The following GATB variants were observed in gnomAD, a reference collection of about 807,000 sequenced individuals.
GATB encodes glutamyl-tRNA amidotransferase subunit B.
GATB carries 39 observed loss-of-function variants against 62.3 expected under a neutral mutation model. The observed-to-expected ratio is 0.63, with a 90% CI of 0.48 to 0.82. The LOEUF (loss-of-function observed/expected upper bound fraction) is 0.82. Ranked by LOEUF, GATB falls within the 40% of genes least tolerant of loss-of-function variation. The pLI is 0.00. For synonymous variants in GATB, 276 were observed against 258.9 expected, an observed-to-expected ratio of 1.07 and a Z score of -0.63; for missense variants, 670 against 684.0, an observed-to-expected ratio of 0.98 and a Z score of 0.23.
chr4:151,737,627 T>G (rs189344488), intron 2 of GATB, among the ~76,000 whole-genome samples: 64 of 152,292 alleles, frequency 4.2e-4, no homozygotes, highest in Admixed American at 7.8e-4. Flanking sequence ...TCAGAGGTCT[T>G]CACAGTAGCC....
intron 9 of GATB, among the ~76,000 whole-genome samples, chr4:151,697,981 A>G (rs182921948): frequency 0.27 from 35,401 of 132,968 alleles, 6,671 homozygotes; most frequent in Non-Finnish European, 0.34. Flanking sequence ...ATATATATAT[A>G]TATATATATA....
intron 10 of GATB, among the ~76,000 whole-genome samples, chr4:151,683,194 C>CTTTAT (rs10686526): frequency 0.6 from 90,284 of 151,586 alleles, 29,392 homozygotes; most frequent in African/African-American, 0.88. Context: ...CAGTTTCTTG[C>CTTTAT]TTTAACAATA....
chr4:151,722,093 G>A, intron 2 of GATB: 1 of 662,796 alleles, frequency 1.5e-6, no homozygotes, highest in Non-Finnish European at 2.7e-6. Flanking sequence ...TTAGAAGAAT[G>A]CCAAGAAAAA....
chr4:151,737,592 A>G (rs893009207), intron 2 of GATB, among the ~76,000 whole-genome samples: 1 of 152,212 alleles, frequency 6.6e-6, no homozygotes, highest in African/African-American at 2.4e-5. Flanking sequence ...TCCCCAAGAC[A>G]GGGGGAAAAT....
chr4:151,729,166 G>GA (rs1739194959), intron 2 of GATB, among the ~76,000 whole-genome samples: 1 of 152,112 alleles, frequency 6.6e-6, no homozygotes, highest in Non-Finnish European at 1.5e-5. Flanking sequence ...GAGAAAGAAA[G>GA]AAAAAACTGC....
intron 10 of GATB, among the ~76,000 whole-genome samples, chr4:151,681,631 T>C (rs1247880533): frequency 6.6e-6 from 1 of 152,092 alleles, no homozygotes; most frequent in Non-Finnish European, 1.5e-5. Context: ...AAAGATAAGG[T>C]CCCTAGGCCC....
At position 151,760,946 on chromosome 4, in the gene GATB, T is replaced by C. The variant is rs367564064; in HGVS notation, c.37A>G (p.Arg13Gly). ...APMLRWGCRG[R>G]RWAFARVDGG... is the part of the protein sequence containing the mutation. ...TCAACCCGGGCGAAAGCCCAACGTC[T>C]TCCACGGCAGCCCCAGCGCAGCATG... The change falls in exon 1 of 13, where the codon AGA becomes GGA. Residue 13 changes from arginine (R) to glycine (G), a missense_variant. By Grantham distance (125) the Arg-to-Gly change is moderately radical. Coordinates refer to ENST00000263985, the MANE Select transcript of GATB (RefSeq NM_004564.3). The C allele has an allele frequency of 2.2e-5, 35 of 1,613,372 alleles. No homozygotes were observed. In the African/African-American group the frequency reaches 4.4e-4, roughly 20 times the overall value.
intron 2 of GATB, among the ~76,000 whole-genome samples, chr4:151,736,265 T>C (rs1037591851): frequency 5.3e-5 from 8 of 152,174 alleles, no homozygotes; most frequent in Non-Finnish European, 1.0e-4. Context: ...ATATAAACCC[T>C]GCAAATAGAC....
At chr4:151,723,509 A>G (rs955602673) in intron 2 of GATB, 4 of 152,232 alleles carry the variant, frequency 2.6e-5, no homozygotes, top group African/African-American at 9.6e-5. Flanking sequence ...CCTACTGTAC[A>G]TCATTTAAGG....
intron 1 of GATB, 23 bp from the exon 2 acceptor site, chr4:151,758,945 T>C: frequency 6.5e-7 from 1 of 1,550,264 alleles, no homozygotes; most frequent in South Asian, 1.2e-5. Context: ...AGATAATGGT[T>C]AAGATGTATT....
intron 5 of GATB, among the ~76,000 whole-genome samples, chr4:151,708,471 G>GT (rs113178632): frequency 4.6e-5 from 7 of 152,068 alleles, no homozygotes; most frequent in Admixed American, 2.0e-4. Context: ...TTATACTGAA[G>GT]TTTTTTTTCA....
chr4:151,740,062 G>T (rs1266804723), intron 2 of GATB, among the ~76,000 whole-genome samples: 2 of 152,190 alleles, frequency 1.3e-5, no homozygotes, highest in Non-Finnish European at 2.9e-5. Context: ...TAAACATCAC[G>T]TTGCATTTTT....
At chr4:151,705,736 C>T (rs961488049) in intron 6 of GATB, among the ~76,000 whole-genome samples, 3 of 152,190 alleles carry the variant, frequency 2.0e-5, no homozygotes, top group African/African-American at 7.2e-5. Context: ...GAGGGACCCA[C>T]GACCCCAAAT....
At chr4:151,755,462 C>T (rs1199690841) in intron 2 of GATB, among the ~76,000 whole-genome samples, 1 of 152,144 alleles carries the variant, frequency 6.6e-6, no homozygotes, top group Non-Finnish European at 1.5e-5. Context: ...TAAGTCTTTG[C>T]CCACATGTTT....
rs529133385 is a variant in GATB, at chr4:151,744,719, C to G, written c.327+14053G>C. On this transcript the variant is annotated intron_variant, in intron 2 of 12. Coordinates refer to ENST00000263985, the MANE Select transcript of GATB (RefSeq NM_004564.3). ...TGTGAAGAGAGAGGCTTTCAAGAAC[C>G]CACTGAAAGTTAGAAAAAGATCTAT... Among the ~76,000 whole-genome samples the G allele has an allele frequency of 8.5e-5, 13 of 152,194 alleles. No individual in the cohort carries two copies. In the South Asian group the frequency reaches 2.7e-3, roughly 32 times the overall value.
intron 11 of GATB, among the ~76,000 whole-genome samples, chr4:151,679,344 C>T (rs543774453): frequency 6.6e-6 from 1 of 152,190 alleles, no homozygotes; most frequent in Non-Finnish European, 1.5e-5. Flanking sequence ...AACATTTTAT[C>T]TACAAAGTGC....
rs533864449 is a variant in GATB, at chr4:151,698,256, C to T, written c.1197+3073G>A. ...CGTGTCAGGTATTGTGTGTGGTAGACGCTAAAGCATAACATTAGAGTTCTG... is the reference window on the plus strand; with the variant it reads ...CGTGTCAGGTATTGTGTGTGGTAGATGCTAAAGCATAACATTAGAGTTCTG... On this transcript the variant is annotated intron_variant, in intron 9 of 12. Transcript: ENST00000263985. Among the ~76,000 whole-genome samples, 20 of 151,940 alleles carry T rather than the reference C, an allele frequency of 1.3e-4. No individual in the cohort carries two copies. The South Asian group carries it at 2.9e-3, about 22-fold the overall frequency.
chr4:151,749,934 T>C (rs1279617582), intron 2 of GATB, among the ~76,000 whole-genome samples: 3 of 152,054 alleles, frequency 2.0e-5, no homozygotes, highest in East Asian at 3.9e-4. Context: ...CAGGCTGGAG[T>C]GCAGTGGCGC....
Position 151,708,066 on chromosome 4 carries a change from G to A in GATB, c.799C>T (p.His267Tyr), listed in dbSNP as rs573386365. Reference protein sequence around the residue: ...QLRVDANISVHHPGEPLGVRT... With the variant: ...QLRVDANISVYHPGEPLGVRT... The stretch of plus-strand genomic sequence containing the variant: ...ACGCCCAAAGGCTCCCCAGGGTGAT[G>A]CACGGATATATTGGCATCCACTCTC... The change falls in exon 6 of 13, where the codon CAT (histidine) becomes TAT (tyrosine). Residue 267 changes from histidine to tyrosine, a missense_variant. His to Tyr is a moderately conservative substitution (Grantham distance 83, BLOSUM62 2). Transcript: ENST00000263985. The A allele has an allele frequency of 1.2e-5, 20 of 1,613,952 alleles. No homozygotes were observed. The African/African-American group carries it at 2.4e-4, about 19-fold the overall frequency.
Sources: gnomAD v4.1 joint callset for allele counts (sites outside exome capture counted in the v4.1 genomes callset) on GRCh38, gnomAD v4.1.1 for gene constraint, MANE v1.5 for transcripts, NCBI Gene and HGNC (gene_info 2026-07-23, HGNC 2026-07-21) for gene names.